Variants in DLG2 observed in about 807,000 individuals in gnomAD.
DLG2 encodes the protein disks large homolog 2.
In DLG2, 45 loss-of-function variants were observed where a neutral mutation model predicts 132.5. The ratio of observed to expected loss-of-function variants is 0.34; its 90% CI spans 0.27 to 0.44. The LOEUF is 0.44. Among genes scored for constraint, DLG2 ranks in the 20% least tolerant of loss-of-function variants. The pLI is 1.00. For missense variants in DLG2, 1,045 were observed against 1,196.9 expected (o/e 0.87, Z 1.87); for synonymous variants, 424 against 419.6 (o/e 1.01, Z -0.13).
chr11:84,777,267 GTATA>G (rs2070746531), intron 6 of DLG2, among the ~76,000 whole-genome samples: 1 of 122,298 alleles, frequency 8.2e-6, no homozygotes, highest in African/African-American at 3.1e-5. Context: ...GTGTGTGTAT[GTATA>G]TGTGTGTGTG....
At chr11:83,909,892 C>T (rs2075746382) in intron 15 of DLG2, among the ~76,000 whole-genome samples, 1 of 152,140 alleles carries the variant, frequency 6.6e-6, no homozygotes, top group Non-Finnish European at 1.5e-5. Context: ...AAGACTCTTC[C>T]TCTACTCCAG....
intron 3 of DLG2, among the ~76,000 whole-genome samples, chr11:85,502,689 T>C (rs1372416296): frequency 6.6e-6 from 1 of 151,822 alleles, no homozygotes; most frequent in Non-Finnish European, 1.5e-5. Context: ...TTAGGACAAA[T>C]ACCTAATGCA....
intron 6 of DLG2, among the ~76,000 whole-genome samples, chr11:85,086,846 T>A (rs2067999603): frequency 6.6e-6 from 1 of 152,226 alleles, no homozygotes; most frequent in Admixed American, 6.5e-5. Context: ...TGAAATGCCA[T>A]AAATTTTCTT....
chr11:83,740,754 A>T (rs2092439490), intron 18 of DLG2, among the ~76,000 whole-genome samples: 1 of 152,190 alleles, frequency 6.6e-6, no homozygotes, highest in Admixed American at 6.5e-5. Context: ...TTTTGAAAAC[A>T]CTTGTGCCAT....
intron 6 of DLG2, among the ~76,000 whole-genome samples, chr11:84,989,355 T>C (rs2056845382): frequency 6.6e-6 from 1 of 152,136 alleles, no homozygotes. Context: ...TTTATATTTT[T>C]AGTAGAGATG....
chr11:84,748,411 G>A (rs1450231902), intron 6 of DLG2, among the ~76,000 whole-genome samples: 1 of 152,082 alleles, frequency 6.6e-6, no homozygotes, highest in Admixed American at 6.6e-5. Context: ...AAAATGGTAA[G>A]GTGATAACAT....
At chr11:85,510,832 G>C (rs556615882) in intron 3 of DLG2, among the ~76,000 whole-genome samples, 2 of 152,240 alleles carry the variant, frequency 1.3e-5, no homozygotes, top group African/African-American at 4.8e-5. Context: ...CAGGGATCTA[G>C]AACTAGAAAT....
At chr11:84,581,893 G>A (rs1446497232) in intron 6 of DLG2, among the ~76,000 whole-genome samples, 1 of 133,696 alleles carries the variant, frequency 7.5e-6, no homozygotes, top group Non-Finnish European at 1.5e-5. Context: ...GCGACACAGT[G>A]AGACTTGGTC....
At chr11:85,212,367 A>G (rs2082309128) in intron 4 of DLG2, among the ~76,000 whole-genome samples, 1 of 152,006 alleles carries the variant, frequency 6.6e-6, no homozygotes, top group African/African-American at 2.4e-5. Context: ...CTCTCTTTAT[A>G]AGAAGCTATG....
At chr11:83,742,517 T>C (rs1210462604) in intron 18 of DLG2, among the ~76,000 whole-genome samples, 2 of 152,174 alleles carry the variant, frequency 1.3e-5, no homozygotes, top group Non-Finnish European at 2.9e-5. Context: ...GTCCTTGACT[T>C]TGCACCCACC....
At chr11:85,231,562 T>G (rs753615484) in intron 4 of DLG2, among the ~76,000 whole-genome samples, 1 of 151,988 alleles carries the variant, frequency 6.6e-6, no homozygotes, top group Non-Finnish European at 1.5e-5. Context: ...ATTGACTATT[T>G]TTTTTCATGG....
At chr11:84,673,462 G>A (rs980607735) in intron 6 of DLG2, among the ~76,000 whole-genome samples, 2 of 151,872 alleles carry the variant, frequency 1.3e-5, no homozygotes, top group Non-Finnish European at 2.9e-5. Context: ...GATATACAGA[G>A]GGTGGGTAAG....
chr11:85,303,821 A>T (rs2079764326), intron 3 of DLG2, among the ~76,000 whole-genome samples: 1 of 152,204 alleles, frequency 6.6e-6, no homozygotes, highest in African/African-American at 2.4e-5. Context: ...AACAAGAGGA[A>T]ATCCAAGACC....
chr11:85,405,710 C>G (rs1412666957), intron 3 of DLG2, among the ~76,000 whole-genome samples: 1 of 151,894 alleles, frequency 6.6e-6, no homozygotes, highest in African/African-American at 2.4e-5. Context: ...TAATCACTGA[C>G]AGTAGTAGGT....
chr11:85,370,806 G>C (rs975217794), intron 3 of DLG2, among the ~76,000 whole-genome samples: 1 of 152,124 alleles, frequency 6.6e-6, no homozygotes, highest in African/African-American at 2.4e-5. Flanking sequence ...GACATGTTTA[G>C]GTAGATGGGA....
In DLG2 at chr11:84,664,532, C is replaced by G. The variant is rs545772118; in HGVS notation, c.358-129801G>C. ...ATTTTTCCTATTTATAATTCAAATC[C>G]AAATTACCACATATTGTAACATGTG... is the stretch of plus-strand genomic sequence containing the variant. On this transcript the variant is annotated intron_variant, in intron 6 of 27. Transcript: ENST00000376104. 1.3e-4 allele frequency among the ~76,000 whole-genome samples: 20 copies of G among 152,162 alleles called. No homozygotes were observed. The South Asian group carries it at 4.1e-3, about 32-fold the overall frequency.
At chr11:85,504,626 T>A (rs1451515902) in intron 3 of DLG2, among the ~76,000 whole-genome samples, 1 of 152,148 alleles carries the variant, frequency 6.6e-6, no homozygotes, top group Non-Finnish European at 1.5e-5. Flanking sequence ...CCTTGTAGTA[T>A]AGTTTGAAGT....
intron 6 of DLG2, among the ~76,000 whole-genome samples, chr11:84,791,899 T>C (rs2073902199): frequency 6.6e-6 from 1 of 152,180 alleles, no homozygotes; most frequent in African/African-American, 2.4e-5. Flanking sequence ...TGGTATCTGC[T>C]TTTCCAACTT....
intron 6 of DLG2, among the ~76,000 whole-genome samples, chr11:84,570,405 C>G (rs2099477300): frequency 6.6e-6 from 1 of 152,148 alleles, no homozygotes; most frequent in African/African-American, 2.4e-5. Context: ...TGACTTATAT[C>G]TGATCTCACT....
Sources: allele counts gnomAD v4.1 joint callset (sites outside exome capture counted in the v4.1 genomes callset), GRCh38; gene constraint gnomAD v4.1.1; transcripts MANE v1.5; gene names NCBI Gene and HGNC (gene_info 2026-07-23, HGNC 2026-07-21).